SLC14A2: variants seen among roughly 807,000 people sequenced by gnomAD.
The protein encoded by SLC14A2 is urea transporter 2.
A neutral mutation model predicts 104.6 loss-of-function variants in SLC14A2; 91 were observed. That is an observed-to-expected ratio of 0.87 (90% CI 0.73 to 1.04). The LOEUF (loss-of-function observed/expected upper bound fraction) is 1.04, where lower values mean the gene tolerates loss of function less well. Among genes scored for constraint, SLC14A2 ranks in the 50% least tolerant of loss-of-function variants. The pLI is 0.00. For missense variants in SLC14A2, 1,189 were observed against 1,156.0 expected (o/e 1.03, Z -0.41); for synonymous variants, 476 against 466.4 (o/e 1.02, Z -0.27).
intron 10 of SLC14A2, among the ~76,000 whole-genome samples, chr18:45,655,865 C>T (rs920451512): frequency 7.2e-5 from 11 of 152,096 alleles, no homozygotes; most frequent in African/African-American, 2.7e-4. Flanking sequence ...CCATTGATAT[C>T]ATTTGAGAAG....
intron 10 of SLC14A2, among the ~76,000 whole-genome samples, chr18:45,656,219 G>A (rs777389222): frequency 8.5e-5 from 13 of 152,190 alleles, no homozygotes; most frequent in Non-Finnish European, 1.9e-4. Context: ...TCATCCATAT[G>A]GCCAAATAAG....
chr18:45,268,999 T>C (rs1312335221), intron 1 of SLC14A2, among the ~76,000 whole-genome samples: 1 of 147,824 alleles, frequency 6.8e-6, no homozygotes, highest in Non-Finnish European at 1.5e-5. Context: ...CAAAACGGGA[T>C]GGGAGGAGGC....
intron 1 of SLC14A2, among the ~76,000 whole-genome samples, chr18:45,462,804 T>C (rs2087069414): frequency 6.6e-6 from 1 of 152,174 alleles, no homozygotes; most frequent in African/African-American, 2.4e-5. Context: ...CTTTGGACTT[T>C]AATTTCCTCA....
chr18:45,319,362 G>A (rs963676037), intron 1 of SLC14A2, among the ~76,000 whole-genome samples: 4 of 152,204 alleles, frequency 2.6e-5, no homozygotes, highest in East Asian at 1.9e-4. Flanking sequence ...CTCACATAGC[G>A]CCAGCATATA....
upstream of SLC14A2, among the ~76,000 whole-genome samples, chr18:45,211,117 T>C (rs892164084): frequency 1.3e-5 from 2 of 152,250 alleles, no homozygotes; most frequent in Non-Finnish European, 2.9e-5. Flanking sequence ...GTCTCTATTT[T>C]GCTTTGACTT....
the SLC14A2 span, among the ~76,000 whole-genome samples, chr18:45,200,430 G>A: frequency 3.9e-5 from 6 of 152,264 alleles, no homozygotes; most frequent in African/African-American, 1.4e-4. Flanking sequence ...GCAAATAAAT[G>A]TGAAAGTATT....
At chr18:45,523,616 T>G (rs1296573292) in intron 2 of SLC14A2, among the ~76,000 whole-genome samples, 1 of 151,636 alleles carries the variant, frequency 6.6e-6, no homozygotes, top group Non-Finnish European at 1.5e-5. Flanking sequence ...ATTACAGGTG[T>G]GAGCCACCAC....
intron 1 of SLC14A2, among the ~76,000 whole-genome samples, chr18:45,375,537 A>G (rs2085764803): frequency 6.6e-6 from 1 of 152,204 alleles, no homozygotes; most frequent in Non-Finnish European, 1.5e-5. Flanking sequence ...GTTGTCCTTA[A>G]AAACTCTGAT....
intron 2 of SLC14A2, among the ~76,000 whole-genome samples, chr18:45,532,184 G>A (rs1178336346): frequency 1.3e-5 from 2 of 152,096 alleles, no homozygotes; most frequent in Non-Finnish European, 2.9e-5. Flanking sequence ...GGCAGTGCGG[G>A]CTCTTTTTTG....
intron 1 of SLC14A2, among the ~76,000 whole-genome samples, chr18:45,379,646 T>C (rs2085812511): frequency 6.6e-6 from 1 of 152,238 alleles, no homozygotes. Flanking sequence ...ACCATCCACC[T>C]TTTAATGAAG....
intron 1 of SLC14A2, among the ~76,000 whole-genome samples, chr18:45,263,569 A>G (rs1344093743): frequency 6.6e-6 from 1 of 152,170 alleles, no homozygotes; most frequent in Non-Finnish European, 1.5e-5. Context: ...ATTCTAATGT[A>G]GAGTTTTAAT....
intron 1 of SLC14A2, among the ~76,000 whole-genome samples, chr18:45,313,850 T>C (rs915703712): frequency 4.6e-5 from 7 of 152,218 alleles, no homozygotes; most frequent in Non-Finnish European, 8.8e-5. Context: ...TCTGTTCCCC[T>C]AGAAAAGGGC....
At chr18:45,371,958 CT>C (rs1407035852) in intron 1 of SLC14A2, among the ~76,000 whole-genome samples, 3 of 152,136 alleles carry the variant, frequency 2.0e-5, no homozygotes, top group African/African-American at 7.2e-5. Flanking sequence ...GTATTACCTA[CT>C]TAGATAAGGC....
intron 1 of SLC14A2, among the ~76,000 whole-genome samples, chr18:45,412,640 T>C (rs953161493): frequency 1.3e-5 from 2 of 152,164 alleles, no homozygotes; most frequent in East Asian, 3.9e-4. Flanking sequence ...GTAAGATAGA[T>C]AAAGTGTACT....
At chr18:45,655,237 G>A (rs2045813050) in intron 10 of SLC14A2, among the ~76,000 whole-genome samples, 2 of 152,174 alleles carry the variant, frequency 1.3e-5, no homozygotes, top group Admixed American at 6.5e-5. Flanking sequence ...ATGCCATAAG[G>A]AACAACATCC....
chr18:45,395,641 A>C (rs2086021390), intron 1 of SLC14A2, among the ~76,000 whole-genome samples: 1 of 152,136 alleles, frequency 6.6e-6, no homozygotes, highest in South Asian at 2.1e-4. Context: ...AATGAGACTT[A>C]GAAGGTGGCT....
At chr18:45,298,642 C>A (rs566466994) in intron 1 of SLC14A2, among the ~76,000 whole-genome samples, 1 of 152,264 alleles carries the variant, frequency 6.6e-6, no homozygotes, top group East Asian at 1.9e-4. Context: ...GGTTAGCACA[C>A]ATCAGAATGT....
At chr18:45,227,407 G>A (rs2084130478) in intron 1 of SLC14A2, among the ~76,000 whole-genome samples, 1 of 152,220 alleles carries the variant, frequency 6.6e-6, no homozygotes, top group Non-Finnish European at 1.5e-5. Context: ...ATAAAGAACA[G>A]GAATTTGTTT....
chr18:45,475,664 T>TATATATTTAGG (rs2087361029), intron 1 of SLC14A2, among the ~76,000 whole-genome samples: 3 of 108,562 alleles, frequency 2.8e-5, no homozygotes, highest in African/African-American at 1.0e-4. Flanking sequence ...TATATATATA[T>TATATATTTAGG]ATATATATAT....
Sources: allele counts gnomAD v4.1 joint callset (sites outside exome capture counted in the v4.1 genomes callset), GRCh38; gene constraint gnomAD v4.1.1; transcripts MANE v1.5; gene names NCBI Gene and HGNC (gene_info 2026-07-23, HGNC 2026-07-21).